The following ZNF440 variants were observed in gnomAD, a reference collection of about 807,000 sequenced individuals.
The protein encoded by ZNF440 is zinc finger protein 440.
Under a neutral mutation model 49.7 loss-of-function variants are expected in ZNF440, and 47 were observed. The observed-to-expected ratio is 0.95, with a 90% CI of 0.75 to 1.21. The LOEUF (loss-of-function observed/expected upper bound fraction) is 1.21, where lower values mean the gene tolerates loss of function less well. Ranked by LOEUF, ZNF440 falls within the 50% of genes most tolerant of loss-of-function variation. ZNF440 has a pLI of 0.00. For missense variants in ZNF440, 703 were observed against 715.0 expected, an observed-to-expected ratio of 0.98 and a Z score of 0.19; for synonymous variants, 255 against 237.7, an observed-to-expected ratio of 1.07 and a Z score of -0.67.
Position 11,831,500 on chromosome 19 carries a change from C to T in ZNF440, c.324C>T (p.Ser108=). ...CTCCTGAAGTAAAATCATGTGAAAG[C>T]TTTGTGTGTGGAGAAGTTGGCCTAG... ...KASPEVKSCE[S]FVCGEVGLGN... is the part of the protein sequence containing the mutation. The change falls in exon 4 of 4, where the codon AGC becomes AGT. Residue 108 remains serine, a synonymous_variant. Transcript: ENST00000304060. The T allele has an allele frequency of 6.2e-7, 1 of 1,613,968 alleles. No homozygotes were observed. Among genetic ancestry groups the T allele is most frequent in the Non-Finnish European group, 8.5e-7 (1 of 1,179,908 alleles).
chr19:11,830,112 G>A (rs1254699915), intron 1 of ZNF440, 171 bp from the exon 2 acceptor site: 1 of 1,363,618 alleles, frequency 7.3e-7, no homozygotes, highest in Non-Finnish European at 9.9e-7. Flanking sequence ...AAAAAAACAA[G>A]TTGCTTTGTG....
At chr19:11,827,711 G>T (rs1029087313) in intron 1 of ZNF440, 3 of 152,170 alleles carry the variant, frequency 2.0e-5, no homozygotes, top group African/African-American at 7.2e-5. Flanking sequence ...GCAGTTCTGT[G>T]TCTAATTCAT....
chr19:11,828,754 G>T (rs1281393558), intron 1 of ZNF440, among the ~76,000 whole-genome samples: 1 of 144,878 alleles, frequency 6.9e-6, no homozygotes, highest in Non-Finnish European at 1.5e-5. Context: ...GTGCAATCTT[G>T]GCTCACCACA....
intron 1 of ZNF440, among the ~76,000 whole-genome samples, chr19:11,821,588 G>T (rs75238322): frequency 6.6e-6 from 1 of 152,076 alleles, no homozygotes; most frequent in African/African-American, 2.4e-5. Context: ...GGGCACACAG[G>T]GGGGTATAGT....
chr19:11,830,522 A>C lies in ZNF440; in HGVS notation c.131-95A>C. The C allele has an allele frequency of 3.8e-6, 6 of 1,598,744 alleles. No individual in the cohort carries two copies. In the South Asian group the frequency reaches 6.7e-5, roughly 18 times the overall value. On this transcript the variant is annotated intron_variant, in intron 2 of 3. Coordinates refer to ENST00000304060, the MANE Select transcript of ZNF440 (RefSeq NM_152357.3). ...CAGGAAATACTTTGATGAATAAATG[A>C]GGTATGGCTGCAGTAAATCATGGGC...
At chr19:11,828,744 G>T (rs1327985092) in intron 1 of ZNF440, among the ~76,000 whole-genome samples, 2 of 150,978 alleles carry the variant, frequency 1.3e-5, no homozygotes, top group Non-Finnish European at 2.9e-5. Flanking sequence ...GAGTGCAATG[G>T]TGCAATCTTG....
In ZNF440 at chr19:11,834,146, A is replaced by G. The variant is rs1975989603; in HGVS notation, c.*1182A>G. ...TTTTCTTTCTTTTTTTTTTTCCCCC[A>G]GAAAGAATCTCACTCTGTCACCCAG... On this transcript the variant is annotated 3_prime_UTR_variant, in exon 4 of 4. Coordinates refer to ENST00000304060, the MANE Select transcript of ZNF440 (RefSeq NM_152357.3). The G allele has an allele frequency of 3.5e-6, 1 of 289,044 alleles. No homozygotes were observed. Among genetic ancestry groups the G allele is most frequent in the Admixed American group, 5.3e-5 (1 of 18,956 alleles). The allele number at this position is 289,044 out of a possible 1,614,324, so 17.9% of individuals were successfully genotyped here.
chr19:11,821,505 G>A (rs1183572174), intron 1 of ZNF440, among the ~76,000 whole-genome samples: 2 of 152,122 alleles, frequency 1.3e-5, no homozygotes, highest in Non-Finnish European at 2.9e-5. Context: ...ACTGTGAAGG[G>A]AGACAAAACC....
intron 3 of ZNF440, among the ~76,000 whole-genome samples, chr19:11,830,968 A>G (rs569586977): frequency 2.0e-5 from 3 of 152,248 alleles, no homozygotes; most frequent in Non-Finnish European, 2.9e-5. Context: ...TTAGCTGGGC[A>G]TTGTGGTCTG....
intron 1 of ZNF440, among the ~76,000 whole-genome samples, chr19:11,814,774 A>C (rs930437931): frequency 6.6e-6 from 1 of 152,222 alleles, no homozygotes; most frequent in Admixed American, 6.5e-5. Flanking sequence ...GCCGCAAAGA[A>C]AACCAGCATC....
rs1282958515 is a variant in ZNF440 at position 11,833,820 on chromosome 19, C to T, written c.*856C>T. The T allele has an allele frequency of 6.6e-6, 5 of 761,734 alleles. No individual in the cohort carries two copies. Among genetic ancestry groups the T allele is most frequent in the Non-Finnish European group, 9.7e-6 (5 of 513,012 alleles). 47.2% of individuals were successfully genotyped at this position (761,734 alleles called of 1,614,324 possible). ...TGGAAGGACTCACACTGGAGAAAAA[C>T]CCTATGAATGTAAGCAGTATGGGAA... On this transcript the variant is annotated 3_prime_UTR_variant, in exon 4 of 4. Coordinates refer to ENST00000304060, the MANE Select transcript of ZNF440 (RefSeq NM_152357.3).
intron 1 of ZNF440, among the ~76,000 whole-genome samples, chr19:11,818,365 C>T (rs1473701037): frequency 6.6e-6 from 1 of 152,142 alleles, no homozygotes; most frequent in East Asian, 1.9e-4. Context: ...ATTTTGTGAT[C>T]ATGGGTTGCG....
chr19:11,826,615 G>A (rs561709032), intron 1 of ZNF440, among the ~76,000 whole-genome samples: 1 of 151,182 alleles, frequency 6.6e-6, no homozygotes, highest in East Asian at 1.9e-4. Flanking sequence ...ACTCCACCAG[G>A]TATTTGCTGG....
At chr19:11,824,833 G>T (rs974203402) in intron 1 of ZNF440, among the ~76,000 whole-genome samples, 1 of 150,168 alleles carries the variant, frequency 6.7e-6, no homozygotes, top group South Asian at 2.1e-4. Flanking sequence ...TCAGCCTCCC[G>T]AGTAGCTGGG....
chr19:11,824,105 C>T (rs1045738104), intron 1 of ZNF440, among the ~76,000 whole-genome samples: 1 of 150,436 alleles, frequency 6.6e-6, no homozygotes, highest in Non-Finnish European at 1.5e-5. Flanking sequence ...ATCTGTTGAG[C>T]CTAAGAGTTC....
rs531789948 is a variant in ZNF440, at chr19:11,833,656, A to G, written c.*692A>G. ...AGGACTCACATGGGAGAGAAACCCT[A>G]TGAGTGTATGCCAAGTGGGAAAGCC... On this transcript the variant is annotated 3_prime_UTR_variant, in exon 4 of 4. Coordinates refer to ENST00000304060, the MANE Select transcript of ZNF440 (RefSeq NM_152357.3). The G allele has an allele frequency of 3.5e-5, 15 of 424,336 alleles. No homozygotes were observed. The highest frequency in any genetic ancestry group is 1.1e-4 in the African/African-American group (5 of 47,296). 26.3% of individuals were successfully genotyped at this position (424,336 alleles called of 1,614,324 possible). A position where few individuals can be genotyped will look rare whatever the true frequency, so the allele number is the denominator to read the frequency against.
In ZNF440 at chr19:11,831,864, T is replaced by C; in HGVS notation, c.688T>C (p.Cys230Arg). The change falls in exon 4 of 4, where the codon TGT (cysteine) becomes CGT (arginine). Residue 230 changes from cysteine to arginine, a missense_variant. Transcript: ENST00000304060. Reference sequence around the variant, plus strand: ...TCACACTGGAGAGAAACCATGTGAATGTAAACAGTGTGGTAAATCCTTTAG... The same window carrying C: ...TCACACTGGAGAGAAACCATGTGAACGTAAACAGTGTGGTAAATCCTTTAG... ...RIHTGEKPCE[C>R]KQCGKSFSYS... 6.2e-7 allele frequency: 1 copy of C among 1,614,010 alleles called. No homozygotes were observed. The highest frequency in any genetic ancestry group is 8.5e-7 in the Non-Finnish European group (1 of 1,179,930).
rs1315231543 is a variant in ZNF440, at chr19:11,834,421, C to T, written c.*1457C>T. ...GGATTACAGACATGAACCATCATGC[C>T]CAGCTGCAACCCTAATTTTTCATTC... On this transcript the variant is annotated 3_prime_UTR_variant, in exon 4 of 4. Coordinates refer to ENST00000304060, the MANE Select transcript of ZNF440 (RefSeq NM_152357.3). 6 of 152,280 alleles carry T rather than the reference C, an allele frequency of 3.9e-5. No individual in the cohort carries two copies. The highest frequency in any genetic ancestry group is 8.8e-5 in the Non-Finnish European group (6 of 68,128). 9.4% of individuals were successfully genotyped at this position (152,280 alleles called of 1,614,324 possible). A position where few individuals can be genotyped will look rare whatever the true frequency, so the allele number is the denominator to read the frequency against.
In ZNF440 at chr19:11,832,946, A is replaced by G. The variant is rs569145503; in HGVS notation, c.1770A>G (p.Lys590=). The change falls in exon 4 of 4, where the codon AAA becomes AAG. Residue 590 remains lysine (K), a synonymous_variant. Transcript: ENST00000304060. Reference sequence around the variant, plus strand: ...TGCCCAGAACCTTCGAATTCATGAAAGGACACAAACACACATAATGCACTC... The same window carrying G: ...TGCCCAGAACCTTCGAATTCATGAAGGGACACAAACACACATAATGCACTC... The part of the protein sequence containing the change: ...SDLPRTFEFM[K]GHKHT 1.2e-6 allele frequency: 2 copies of G among 1,609,228 alleles called. No homozygotes were observed. The highest frequency in any genetic ancestry group is 1.7e-5 in the Admixed American group (1 of 58,386).
Sources: gnomAD v4.1 joint callset for allele counts (sites outside exome capture counted in the v4.1 genomes callset) on GRCh38, gnomAD v4.1.1 for gene constraint, MANE v1.5 for transcripts, NCBI Gene and HGNC (gene_info 2026-07-23, HGNC 2026-07-21) for gene names.